Variants in OTOG observed in about 807,000 individuals in gnomAD.
OTOG encodes the protein otogelin.
In OTOG, 296 loss-of-function variants were observed where a neutral mutation model predicts 313.8. The ratio of observed to expected loss-of-function variants is 0.94; its 90% CI spans 0.86 to 1.04. The LOEUF is 1.04. OTOG is among the 50% of genes least tolerant of loss of function. The pLI is 0.00. For synonymous variants in OTOG, 1,533 were observed against 1,554.9 expected, an observed-to-expected ratio of 0.99 and a Z score of 0.33; for missense variants, 3,948 against 3,840.1, an observed-to-expected ratio of 1.03 and a Z score of -0.74.
intron 10 of OTOG, among the ~76,000 whole-genome samples, 198 bp from the exon 11 acceptor site, chr11:17,558,854 G>A (rs1018330882): frequency 1.3e-5 from 2 of 152,266 alleles, no homozygotes; most frequent in African/African-American, 4.8e-5. Flanking sequence ...TAACAAGTTA[G>A]TGGCAATGCT....
At chr11:17,635,214 G>A (rs756784436) in intron 46 of OTOG, 27 bp downstream of exon 46, 18 of 1,510,832 alleles carry the variant, frequency 1.2e-5, no homozygotes, top group African/African-American at 2.8e-5. Context: ...AGACGCCAGC[G>A]CACACAGCCT....
At chr11:17,597,294 G>A (rs1002938281) in intron 30 of OTOG, among the ~76,000 whole-genome samples, 2 of 152,306 alleles carry the variant, frequency 1.3e-5, no homozygotes, top group African/African-American at 2.4e-5. Context: ...ATGCGAACCC[G>A]AGCTCATAGC....
chr11:17,560,373 G>T (rs1229368334), intron 12 of OTOG, among the ~76,000 whole-genome samples: 1 of 152,188 alleles, frequency 6.6e-6, no homozygotes, highest in African/African-American at 2.4e-5. Context: ...GGGAGAGGTT[G>T]TCAGGGAAGT....
In OTOG at chr11:17,547,376, G is replaced by GGA. The variant is rs1235555559; in HGVS notation, c.6_7dup (p.Val3GlufsTer218). On this transcript the variant is annotated frameshift_variant, in exon 1 of 56. Coordinates refer to ENST00000399397, the MANE Select transcript of OTOG (RefSeq NM_001292063.2). LOFTEE classifies it high-confidence loss of function. ...CCTCCGGTCCCCTCGTGTCCCTATG[G>GGA]GAGTCCTGGCGTCTGCGCTCTGCTG... The GGA allele has an allele frequency of 7.2e-6, 10 of 1,397,774 alleles. No individual in the cohort carries two copies. The highest frequency in any genetic ancestry group is 9.2e-6 in the Non-Finnish European group (10 of 1,082,448). 86.6% of individuals were successfully genotyped at this position (1,397,774 alleles called of 1,614,324 possible). A position where few individuals can be genotyped will look rare whatever the true frequency, so the allele number is the denominator to read the frequency against.
rs775261055 is a variant in OTOG at position 17,631,840 on chromosome 11, G to A, written c.6851G>A (p.Arg2284His). 6.8e-5 allele frequency: 105 copies of A among 1,550,444 alleles called. No homozygotes were observed. The highest frequency in any genetic ancestry group is 3.3e-4 in the South Asian group (28 of 84,066). Reference protein sequence around the residue: ...SLTSVGQTRFRPDSCATTDCS... With the variant: ...SLTSVGQTRFHPDSCATTDCS... ...ACCTCAGTGGGCCAGACCCGCTTCC[G>A]CCCAGACAGCTGCGCCACAACTGAC... The change falls in exon 41 of 56, where the codon CGC becomes CAC. Residue 2284 changes from arginine to histidine, a missense_variant. Coordinates refer to ENST00000399397, the MANE Select transcript of OTOG (RefSeq NM_001292063.2).
intron 32 of OTOG, among the ~76,000 whole-genome samples, chr11:17,605,088 G>A (rs1418121654): frequency 1.3e-5 from 2 of 152,212 alleles, no homozygotes; most frequent in Non-Finnish European, 2.9e-5. Flanking sequence ...GAATGCGCTT[G>A]CCCACATCAC....
chr11:17,573,018 C>A, intron 18 of OTOG, 60 bp from the exon 19 acceptor site: 1 of 1,427,896 alleles, frequency 7.0e-7, no homozygotes, highest in Non-Finnish European at 9.5e-7. Context: ...AGAGGCTGAT[C>A]CTGGGACACC....
intron 30 of OTOG, among the ~76,000 whole-genome samples, chr11:17,597,435 A>G (rs535532092): frequency 1.3e-5 from 2 of 152,328 alleles, no homozygotes; most frequent in Non-Finnish European, 1.5e-5. Context: ...CCTGCCCCCA[A>G]GGTTGACTCT....
chr11:17,615,329 G>A (rs757327545), intron 39 of OTOG, among the ~76,000 whole-genome samples: 6 of 152,048 alleles, frequency 3.9e-5, no homozygotes, highest in Non-Finnish European at 7.4e-5. Context: ...AGTGTCTTTC[G>A]AAAGACAGAA....
chr11:17,634,832 C>T lies in OTOG; in HGVS notation c.7481-12C>T. 1 of 1,546,580 alleles carries T rather than the reference C, an allele frequency of 6.5e-7. No homozygotes were observed. Among genetic ancestry groups the T allele is most frequent in the Non-Finnish European group, 8.7e-7 (1 of 1,144,446 alleles). On this transcript the variant is annotated splice_polypyrimidine_tract_variant and intron_variant, in intron 44 of 55. Transcript: ENST00000399397. ...GCCCCGAGGTGACAGGCCCTGTGGT[C>T]CCCGGGGCCAGTGTGTAACCAGACT...
rs139057206 is a variant in OTOG, at chr11:17,586,106, C to T, written c.2760-368C>T. 2.5e-3 allele frequency among the ~76,000 whole-genome samples: 374 copies of T among 152,226 alleles called. 6 individuals carry two copies. The Middle Eastern group carries it at 0.027, about 11-fold the overall frequency. On this transcript the variant is annotated intron_variant, in intron 23 of 55. Coordinates refer to ENST00000399397, the MANE Select transcript of OTOG (RefSeq NM_001292063.2). ...CTTTGGGGCCTGTGGTCTGAGAGCT[C>T]CATGAACAACCTGGGTAGGAGGGTC...
Position 17,613,261 on chromosome 11 carries a change from T to TTCTTTCTC in OTOG, c.6439-347_6439-340dup, listed in dbSNP as rs1362387184. 3.7e-4 allele frequency among the ~76,000 whole-genome samples: 50 copies of TTCTTTCTC among 135,068 alleles called. 1 individual carries two copies. Among genetic ancestry groups the TTCTTTCTC allele is most frequent in the African/African-American group, 1.5e-3 (48 of 32,162 alleles). 88.6% of individuals were successfully genotyped at this position (135,068 alleles called of 152,430 possible). A position where few individuals can be genotyped will look rare whatever the true frequency, so the allele number is the denominator to read the frequency against. Reference sequence around the variant, plus strand: ...TTTCTTTCTTTCTTTCTTTCTTTCTTTCTTTCTCTCTCTGTCTGTCTTTCT... The same window carrying TTCTTTCTC: ...TTTCTTTCTTTCTTTCTTTCTTTCTTTCTTTCTCTCTTTCTCTCTCTGTCTGTCTTTCT... On this transcript the variant is annotated intron_variant, in intron 38 of 55. Coordinates refer to ENST00000399397, the MANE Select transcript of OTOG (RefSeq NM_001292063.2).
At chr11:17,612,477 G>A in intron 37 of OTOG, 143 bp from the exon 38 acceptor site, 1 of 1,383,544 alleles carries the variant, frequency 7.2e-7, no homozygotes, top group South Asian at 1.5e-5. Flanking sequence ...TCTGATCTGT[G>A]TGATGCGTGG....
chr11:17,608,475 CACAT>C, intron 34 of OTOG, 62 bp downstream of exon 34: 1 of 1,134,994 alleles, frequency 8.8e-7, no homozygotes, highest in Non-Finnish European at 1.2e-6. Context: ...TGTGTGCACT[CACAT>C]ACACTTGTGT....
chr11:17,571,996 G>A (rs1852414662), intron 17 of OTOG, 84 bp from the exon 18 acceptor site: 1 of 1,517,456 alleles, frequency 6.6e-7, no homozygotes, highest in East Asian at 2.5e-5. Context: ...ATATGAGCAA[G>A]TAGGTGTTAC....
intron 30 of OTOG, among the ~76,000 whole-genome samples, chr11:17,598,486 G>A (rs1853166283): frequency 6.6e-6 from 1 of 152,042 alleles, no homozygotes; most frequent in Admixed American, 6.6e-5. Flanking sequence ...TATTTATCTT[G>A]ATTACTGAGA....
At position 17,610,853 on chromosome 11, in the gene OTOG, C is replaced by A; in HGVS notation, c.5553C>A (p.Phe1851Leu). The change falls in exon 36 of 56, where the codon TTC becomes TTA. Residue 1851 changes from phenylalanine (F) to leucine (L), a missense_variant. Coordinates refer to ENST00000399397, the MANE Select transcript of OTOG (RefSeq NM_001292063.2). ...PAQTLSPVLP[F>L]TPAAMTQAHP... is the part of the protein sequence containing the mutation. ...AGACACTTAGCCCAGTACTGCCTTT[C>A]ACTCCAGCAGCAATGACCCAGGCGC... The A allele has an allele frequency of 6.4e-7, 1 of 1,550,946 alleles. No homozygotes were observed. Among genetic ancestry groups the A allele is most frequent in the Non-Finnish European group, 8.7e-7 (1 of 1,147,016 alleles).
intron 24 of OTOG, among the ~76,000 whole-genome samples, chr11:17,589,613 A>G (rs916982208): frequency 1.3e-5 from 2 of 152,172 alleles, no homozygotes; most frequent in African/African-American, 4.8e-5. Flanking sequence ...GCATAAAAAT[A>G]TATCGTTTGA....
At chr11:17,568,059 C>T (rs1852325809) in intron 15 of OTOG, among the ~76,000 whole-genome samples, 1 of 152,162 alleles carries the variant, frequency 6.6e-6, no homozygotes, top group Non-Finnish European at 1.5e-5. Context: ...AGGCACCCGC[C>T]ACCATGCCTG....
Sources: gnomAD v4.1 joint callset for allele counts (sites outside exome capture counted in the v4.1 genomes callset) on GRCh38, gnomAD v4.1.1 for gene constraint, MANE v1.5 for transcripts, NCBI Gene and HGNC (gene_info 2026-07-23, HGNC 2026-07-21) for gene names.